Variants in HDAC4 observed in about 807,000 individuals in gnomAD.
HDAC4 encodes the protein histone deacetylase A.
A neutral mutation model predicts 135.1 loss-of-function variants in HDAC4; 16 were observed. The observed-to-expected ratio is 0.12, with a 90% CI of 0.08 to 0.18. The LOEUF is 0.18. Ranked by LOEUF, HDAC4 falls within the 10% of genes least tolerant of loss-of-function variation. The pLI is 1.00. For missense variants in HDAC4, 1,143 were observed against 1,511.8 expected, an observed-to-expected ratio of 0.76 and a Z score of 4.05; for synonymous variants, 685 against 653.4, an observed-to-expected ratio of 1.05 and a Z score of -0.74.
At chr2:239,127,564 A>G (rs1257129786) in intron 11 of HDAC4, among the ~76,000 whole-genome samples, 1 of 152,196 alleles carries the variant, frequency 6.6e-6, no homozygotes, top group East Asian at 1.9e-4. Flanking sequence ...TCCTCTGGTA[A>G]CCTGAGTGGG....
At chr2:239,321,215 C>T (rs147275852) in intron 2 of HDAC4, among the ~76,000 whole-genome samples, 5,825 of 152,152 alleles carry the variant, frequency 0.038, 366 homozygotes, top group African/African-American at 0.13. Context: ...CCTGTAATCC[C>T]GGCACTTTGG....
chr2:239,332,895 A>G (rs1392586148), intron 2 of HDAC4, among the ~76,000 whole-genome samples: 1 of 148,674 alleles, frequency 6.7e-6, no homozygotes. Context: ...TACAAATCCT[A>G]CAGTCATTAC....
At chr2:239,153,169 G>A (rs185526861) in intron 7 of HDAC4, among the ~76,000 whole-genome samples, 2 of 152,304 alleles carry the variant, frequency 1.3e-5, no homozygotes, top group East Asian at 3.9e-4. Context: ...GCTGGTACAG[G>A]CGTTACCTGT....
intron 2 of HDAC4, among the ~76,000 whole-genome samples, chr2:239,251,765 T>C (rs2048797403): frequency 6.6e-6 from 1 of 151,996 alleles, no homozygotes; most frequent in Non-Finnish European, 1.5e-5. Context: ...AATCACATCA[T>C]TATTATTTAA....
chr2:239,384,133 C>T (rs1695620931), intron 1 of HDAC4, among the ~76,000 whole-genome samples: 1 of 152,214 alleles, frequency 6.6e-6, no homozygotes, highest in South Asian at 2.1e-4. Flanking sequence ...GACCTGGCTG[C>T]ACACCACATC....
Position 239,262,311 on chromosome 2 carries a change from C to T in HDAC4, c.23-25647G>A, listed in dbSNP as rs956731506. 1.3e-5 allele frequency among the ~76,000 whole-genome samples: 2 copies of T among 152,168 alleles called. No individual in the cohort carries two copies. Among genetic ancestry groups the T allele is most frequent in the Admixed American group, 6.5e-5 (1 of 15,278 alleles). On this transcript the variant is annotated intron_variant, in intron 2 of 26. Coordinates refer to ENST00000543185, the MANE Select transcript of HDAC4 (RefSeq NM_001378414.1). The surrounding 1 kb of genome is among the most constrained non-coding windows in gnomAD (Gnocchi z 4.1). The stretch of plus-strand genomic sequence containing the variant: ...AGAAACCTTGGCTTAGTATCAGAGA[C>T]CACAATAACACACTTTAGAAACAGA...
chr2:239,048,562 T>TAGATAGATAGAC lies in HDAC4; in HGVS notation c.*4534_*4535insGTCTATCTATCT. 1 of 142,522 alleles carries TAGATAGATAGAC rather than the reference T, an allele frequency of 7.0e-6. No individual in the cohort carries two copies. Among genetic ancestry groups the TAGATAGATAGAC allele is most frequent in the African/African-American group, 2.9e-5 (1 of 34,370 alleles). 8.8% of individuals were successfully genotyped at this position (142,522 alleles called of 1,614,324 possible). A position where few individuals can be genotyped will look rare whatever the true frequency, so the allele number is the denominator to read the frequency against. On this transcript the variant is annotated 3_prime_UTR_variant, in exon 27 of 27. Coordinates refer to ENST00000543185, the MANE Select transcript of HDAC4 (RefSeq NM_001378414.1). The stretch of plus-strand genomic sequence containing the variant: ...GTGAGTAAGGTTCAAGCCCCCTGTA[T>TAGATAGATAGAC]AGATAGATAGATAGATAGATAGATA...
chr2:239,336,718 A>G (rs1302201756), intron 2 of HDAC4, among the ~76,000 whole-genome samples: 1 of 152,238 alleles, frequency 6.6e-6, no homozygotes, highest in Non-Finnish European at 1.5e-5. Context: ...TACCACCTGC[A>G]CATTCCCCGC....
chr2:239,162,556 G>A (rs550505073), intron 6 of HDAC4, among the ~76,000 whole-genome samples: 3 of 152,324 alleles, frequency 2.0e-5, no homozygotes, highest in Admixed American at 6.5e-5. Context: ...CCCAGGTGCC[G>A]GTTGCCAGCG....
At chr2:239,056,591 T>C (rs1350159296) in intron 24 of HDAC4, among the ~76,000 whole-genome samples, 2 of 152,038 alleles carry the variant, frequency 1.3e-5, no homozygotes, top group Non-Finnish European at 2.9e-5. Flanking sequence ...AATAACGAAA[T>C]ACACACACAG....
At chr2:239,131,610 G>C (rs922838778) in intron 11 of HDAC4, among the ~76,000 whole-genome samples, 2 of 152,104 alleles carry the variant, frequency 1.3e-5, no homozygotes, top group Non-Finnish European at 2.9e-5. Context: ...GCTGCGGTCT[G>C]GTCCAGCATT....
At chr2:239,256,203 C>G (rs908880220) in intron 2 of HDAC4, among the ~76,000 whole-genome samples, 1 of 152,202 alleles carries the variant, frequency 6.6e-6, no homozygotes, top group Non-Finnish European at 1.5e-5. Context: ...CTGAAGAAAA[C>G]AGCAAACAAG....
At chr2:239,053,165 G>A in intron 26 of HDAC4, 29 bp from the exon 27 acceptor site, 2 of 1,613,830 alleles carry the variant, frequency 1.2e-6, no homozygotes, top group Non-Finnish European at 1.7e-6. Context: ...AAGGAGATGG[G>A]GGCGTGGGGC....
chr2:239,068,374 A>G lies in HDAC4; in HGVS notation c.2869+115T>C. The stretch of plus-strand genomic sequence containing the variant: ...CAGTACGGTCAGAACCTTGGTCATT[A>G]GTAAAAAGGTGCCCTTCCTTATCTC... On this transcript the variant is annotated intron_variant, in intron 23 of 26. Transcript: ENST00000543185. This position sits in a 1 kb window ranked among gnomAD's most constrained non-coding sequence, Gnocchi z 4.4. 1 of 765,960 alleles carries G rather than the reference A, an allele frequency of 1.3e-6. No individual in the cohort carries two copies. Among genetic ancestry groups the G allele is most frequent in the Non-Finnish European group, 2.3e-6 (1 of 437,638 alleles). The allele number at this position is 765,960 out of a possible 1,614,324, so 47.4% of individuals were successfully genotyped here.
intron 2 of HDAC4, among the ~76,000 whole-genome samples, chr2:239,323,551 G>C (rs766997854): frequency 6.6e-6 from 1 of 152,222 alleles, no homozygotes; most frequent in South Asian, 2.1e-4. Context: ...GCCTGTGTGT[G>C]GAAGGCACTG....
At chr2:239,072,352 C>G (rs1359626254) in intron 22 of HDAC4, among the ~76,000 whole-genome samples, 1 of 152,214 alleles carries the variant, frequency 6.6e-6, no homozygotes, top group Non-Finnish European at 1.5e-5. Flanking sequence ...CACCATGAAG[C>G]CTAGTTTGCA....
chr2:239,050,687 C>T lies in HDAC4; in HGVS notation c.*2410G>A, dbSNP rs541239495. 5 of 152,756 alleles carry T rather than the reference C, an allele frequency of 3.3e-5. No individual in the cohort carries two copies. Among genetic ancestry groups the T allele is most frequent in the African/African-American group, 7.2e-5 (3 of 41,566 alleles). The allele number at this position is 152,756 out of a possible 1,614,324, so 9.5% of individuals were successfully genotyped here. On this transcript the variant is annotated 3_prime_UTR_variant, in exon 27 of 27. Coordinates refer to ENST00000543185, the MANE Select transcript of HDAC4 (RefSeq NM_001378414.1). Reference sequence around the variant, plus strand: ...GTAAACTTTACCAAACTCCGAAACTCGGCTCTGGGTCCCTCCTGAGCACGG... The same window carrying T: ...GTAAACTTTACCAAACTCCGAAACTTGGCTCTGGGTCCCTCCTGAGCACGG...
At chr2:239,221,996 A>G (rs1307110461) in intron 3 of HDAC4, among the ~76,000 whole-genome samples, 1 of 152,250 alleles carries the variant, frequency 6.6e-6, no homozygotes, top group East Asian at 1.9e-4. Flanking sequence ...TCGAACAGAA[A>G]ATAAAGTCCT....
chr2:239,362,078 G>A (rs1693905369), intron 1 of HDAC4, among the ~76,000 whole-genome samples: 1 of 152,162 alleles, frequency 6.6e-6, no homozygotes, highest in African/African-American at 2.4e-5. Context: ...TGCCTTTTAG[G>A]ATGTATTTTC....
Sources: gnomAD v4.1 joint callset for allele counts (sites outside exome capture counted in the v4.1 genomes callset) on GRCh38, gnomAD v4.1.1 for gene constraint, Gnocchi (gnomAD v3.1) non-coding constraint, MANE v1.5 for transcripts, NCBI Gene and HGNC (gene_info 2026-07-23, HGNC 2026-07-21) for gene names.